PHEX: variants seen among roughly 807,000 people sequenced by gnomAD.
PHEX encodes the protein phosphate-regulating neutral endopeptidase PHEX.
Under a neutral mutation model 68.0 loss-of-function variants are expected in PHEX, and 16 were observed. That is an observed-to-expected ratio of 0.24 (90% CI 0.16 to 0.36). The LOEUF (loss-of-function observed/expected upper bound fraction) is 0.36. Among genes scored for constraint, PHEX ranks in the 10% least tolerant of loss-of-function variants. PHEX has a pLI of 1.00. For synonymous variants in PHEX, 208 were observed against 205.1 expected (o/e 1.01, Z -0.12); for missense variants, 480 against 575.5 (o/e 0.83, Z 1.70).
At chrX:22,192,205 T>C (rs748083967) in intron 15 of PHEX, among the ~76,000 whole-genome samples, 1 of 111,479 alleles carries the variant, frequency 9.0e-6, no homozygotes, top group African/African-American at 3.3e-5. Context: ...CCATCTTTGC[T>C]CACTTGCTTG....
intron 9 of PHEX, among the ~76,000 whole-genome samples, chrX:22,105,946 C>G (rs1183739250): frequency 3.6e-5 from 4 of 111,909 alleles, no homozygotes; most frequent in Admixed American, 1.9e-4. Flanking sequence ...TTAAAAGAAT[C>G]TTCCAAGTCA....
intron 3 of PHEX, among the ~76,000 whole-genome samples, chrX:22,056,383 G>A (rs758903879): frequency 9.0e-5 from 10 of 110,591 alleles, no homozygotes; most frequent in Non-Finnish European, 1.1e-4. Context: ...CCACCATGTC[G>A]TATTTCCTTC....
At chrX:22,092,626 G>A (rs2147038191) in intron 6 of PHEX, among the ~76,000 whole-genome samples, 1 of 110,390 alleles carries the variant, frequency 9.1e-6, no homozygotes, top group South Asian at 3.9e-4. Flanking sequence ...GCCCACCTCG[G>A]CCTCCCAAAA....
At chrX:22,117,292 A>T (rs1043558348) in intron 11 of PHEX, among the ~76,000 whole-genome samples, 16 of 111,493 alleles carry the variant, frequency 1.4e-4, no homozygotes, top group African/African-American at 4.2e-4. Flanking sequence ...GCATCTCGTT[A>T]TTGGGCCGTG....
intron 12 of PHEX, among the ~76,000 whole-genome samples, chrX:22,143,072 A>G (rs1332019411): frequency 8.9e-6 from 1 of 112,035 alleles, no homozygotes; most frequent in Non-Finnish European, 1.9e-5. Context: ...TCAAATTTAT[A>G]CCATTTCTGT....
intron 11 of PHEX, among the ~76,000 whole-genome samples, chrX:22,132,767 C>T (rs1413739862): frequency 8.9e-6 from 1 of 111,820 alleles, no homozygotes. Flanking sequence ...TAGCTACAGA[C>T]AGGTAAGTTA....
chrX:22,248,089 G>T lies in PHEX; in HGVS notation c.*136G>T. On this transcript the variant is annotated 3_prime_UTR_variant, in exon 22 of 22. Coordinates refer to ENST00000379374, the MANE Select transcript of PHEX (RefSeq NM_000444.6). ...TTTTCATTATTTGGGTAGGTGACCT[G>T]CTTGGATCTAGACAGCATCTGTTCA... 1 of 515,740 alleles carries T rather than the reference G, an allele frequency of 1.9e-6. No individual in the cohort carries two copies. The highest frequency in any genetic ancestry group is 2.7e-5 in the Admixed American group (1 of 37,342). The allele number at this position is 515,740 out of a possible 1,213,427, so 42.5% of individuals were successfully genotyped here. A position where few individuals can be genotyped will look rare whatever the true frequency, so the allele number is the denominator to read the frequency against.
At chrX:22,055,174 CAAAAAAAAAAAAAAAAAAAAAAAAA>C (rs111628195) in intron 3 of PHEX, among the ~76,000 whole-genome samples, 8 of 66,102 alleles carry the variant, frequency 1.2e-4, no homozygotes, top group African/African-American at 2.9e-4. Flanking sequence ...GACTCCAGCT[CAAAAAAAAAAAAAAAAAAAAAAAAA>C]AAAAAAAAAA....
rs747961654 is a variant in PHEX at position 22,104,366 on chromosome X, G to T, written c.1079+5215G>T. Among the ~76,000 whole-genome samples the T allele has an allele frequency of 5.3e-3, 583 of 110,192 alleles. 3 individuals are homozygous for T. Among genetic ancestry groups the T allele is most frequent in the African/African-American group, 0.018 (548 of 30,243 alleles). On this transcript the variant is annotated intron_variant, in intron 9 of 21. Coordinates refer to ENST00000379374, the MANE Select transcript of PHEX (RefSeq NM_000444.6). ...ACCACACCAGCCCTTGCAGTCCAAG[G>T]GGGTAGGTGGCCAGGGAGGGACCCT... is the stretch of plus-strand genomic sequence containing the variant.
At chrX:22,210,314 G>C (rs1270885227) in intron 15 of PHEX, among the ~76,000 whole-genome samples, 1 of 112,079 alleles carries the variant, frequency 8.9e-6, no homozygotes, top group Non-Finnish European at 1.9e-5. Flanking sequence ...CTTGAGTCTG[G>C]GGCTTCTAAC....
chrX:22,190,379 G>T (rs1934159419), intron 14 of PHEX, 65 bp from the exon 15 acceptor site: 1 of 744,493 alleles, frequency 1.3e-6, no homozygotes, highest in African/African-American at 2.1e-5. Flanking sequence ...TGCTGTGTTT[G>T]TCTTTGCTTC....
At chrX:22,100,437 C>T (rs1569391921) in intron 9 of PHEX, among the ~76,000 whole-genome samples, 1 of 111,938 alleles carries the variant, frequency 8.9e-6, no homozygotes, top group African/African-American at 3.3e-5. Context: ...ATGACCCAAA[C>T]GATTTTCTAC....
chrX:22,247,250 A>C (rs911841826), intron 21 of PHEX, among the ~76,000 whole-genome samples: 6 of 112,654 alleles, frequency 5.3e-5, no homozygotes, highest in African/African-American at 1.9e-4. Context: ...TGAATTCTTT[A>C]AAAATAGCTG....
chrX:22,139,702 ATTT>A (rs368551912), intron 12 of PHEX, among the ~76,000 whole-genome samples: 14 of 90,647 alleles, frequency 1.5e-4, no homozygotes, highest in African/African-American at 3.3e-4. Context: ...GGTTTTCTTA[ATTT>A]TTTTTTTTTT....
At chrX:22,176,401 AAATAT>A (rs1194295627) in intron 13 of PHEX, among the ~76,000 whole-genome samples, 18 of 59,963 alleles carry the variant, frequency 3.0e-4, no homozygotes, top group African/African-American at 1.9e-3. Context: ...AAAAAAAAAA[AAATAT>A]ATATATATAT....
At chrX:22,209,960 TA>T (rs1344992750) in intron 15 of PHEX, among the ~76,000 whole-genome samples, 1 of 106,659 alleles carries the variant, frequency 9.4e-6, no homozygotes, top group Non-Finnish European at 1.9e-5. Flanking sequence ...AAAAAATAAA[TA>T]AATAAAAATA....
intron 20 of PHEX, among the ~76,000 whole-genome samples, chrX:22,243,207 T>G (rs1936282692): frequency 9.0e-6 from 1 of 111,400 alleles, no homozygotes; most frequent in East Asian, 2.8e-4. Context: ...ATAAATGGTG[T>G]TGGGAAAACT....
At chrX:22,234,009 C>T (rs1431062772) in intron 20 of PHEX, among the ~76,000 whole-genome samples, 6 of 112,437 alleles carry the variant, frequency 5.3e-5, no homozygotes, top group Non-Finnish European at 7.5e-5. Flanking sequence ...AGTAGACGTG[C>T]TGTTCCTTTC....
chrX:22,236,938 A>T (rs754079929), intron 20 of PHEX, among the ~76,000 whole-genome samples: 3 of 112,628 alleles, frequency 2.7e-5, no homozygotes, highest in African/African-American at 9.7e-5. Context: ...TGACTGATTT[A>T]TTGTAAACTA....
Sources: allele counts gnomAD v4.1 joint callset (sites outside exome capture counted in the v4.1 genomes callset), GRCh38; gene constraint gnomAD v4.1.1; transcripts MANE v1.5; gene names NCBI Gene and HGNC (gene_info 2026-07-23, HGNC 2026-07-21).